Variants in MYO16 observed in about 807,000 individuals in gnomAD.
MYO16 encodes the protein unconventional myosin-XVI.
MYO16 carries 94 observed loss-of-function variants against 205.3 expected under a neutral mutation model. The ratio of observed to expected loss-of-function variants is 0.46; its 90% confidence interval spans 0.39 to 0.54. MYO16 has a LOEUF of 0.54. MYO16 is among the 20% of genes least tolerant of loss of function. MYO16 has a pLI of 0.00. For synonymous variants in MYO16, 988 were observed against 954.0 expected (o/e 1.04, Z -0.66); for missense variants, 2,315 against 2,387.5 (o/e 0.97, Z 0.63).
intron 21 of MYO16, among the ~76,000 whole-genome samples, chr13:108,998,261 G>C (rs1885099704): frequency 6.6e-6 from 1 of 152,170 alleles, no homozygotes; most frequent in Admixed American, 6.5e-5. Context: ...TGCTTTGTAA[G>C]TGCATGGTAG....
chr13:109,128,579 C>A (rs1178783358), intron 31 of MYO16, among the ~76,000 whole-genome samples: 1 of 151,758 alleles, frequency 6.6e-6, no homozygotes, highest in African/African-American at 2.4e-5. Flanking sequence ...GTAAGTCCAT[C>A]CTAGCCAACT....
intron 23 of MYO16, among the ~76,000 whole-genome samples, 198 bp from the exon 24 acceptor site, chr13:109,046,718 G>C (rs898928834): frequency 4.6e-5 from 7 of 152,122 alleles, no homozygotes; most frequent in African/African-American, 1.4e-4. Context: ...AACAGAAGAG[G>C]GTTCCCTTGT....
chr13:108,968,209 T>G (rs1459996322), intron 20 of MYO16, among the ~76,000 whole-genome samples: 1 of 152,118 alleles, frequency 6.6e-6, no homozygotes, highest in Non-Finnish European at 1.5e-5. Context: ...CATCAGACAC[T>G]CATGTGCTCA....
intron 12 of MYO16, among the ~76,000 whole-genome samples, chr13:108,873,211 ATTACT>A (rs1879149933): frequency 6.6e-6 from 1 of 152,220 alleles, no homozygotes; most frequent in Admixed American, 6.5e-5. Context: ...TCCCATGTCA[ATTACT>A]TTACAAGAAA....
At chr13:108,562,758 T>G in the MYO16 span, among the ~76,000 whole-genome samples, 4 of 152,298 alleles carry the variant, frequency 2.6e-5, no homozygotes, top group East Asian at 7.7e-4. Flanking sequence ...CCTAAAGTAT[T>G]TAGTATAGTG....
the MYO16 span, among the ~76,000 whole-genome samples, chr13:108,581,250 A>T: frequency 6.6e-6 from 1 of 152,200 alleles, no homozygotes; most frequent in Non-Finnish European, 1.5e-5. Flanking sequence ...ATGTTACCTA[A>T]TACAGAATTT....
chr13:108,740,963 G>A (rs1022505952), intron 4 of MYO16, among the ~76,000 whole-genome samples: 18 of 152,148 alleles, frequency 1.2e-4, no homozygotes, highest in African/African-American at 3.9e-4. Context: ...CTGGTGTGCC[G>A]TTTGCTAAGA....
chr13:108,649,523 G>T (rs2139397724), intron 1 of MYO16, among the ~76,000 whole-genome samples: 2 of 152,328 alleles, frequency 1.3e-5, no homozygotes, highest in Middle Eastern at 6.8e-3. Context: ...GTATAATGGA[G>T]TAGCAGGAAA....
chr13:108,713,358 A>G (rs1341372466), intron 3 of MYO16, among the ~76,000 whole-genome samples: 2 of 152,226 alleles, frequency 1.3e-5, no homozygotes, highest in Non-Finnish European at 2.9e-5. Flanking sequence ...GTAAGATATC[A>G]ATCTAATTTA....
intron 23 of MYO16, among the ~76,000 whole-genome samples, chr13:109,024,727 T>A (rs986166117): frequency 2.6e-5 from 4 of 152,152 alleles, no homozygotes; most frequent in Admixed American, 6.5e-5. Flanking sequence ...GTTTTGTGGT[T>A]TTATAAAAAT....
In MYO16 at chr13:108,939,814, A is replaced by G. The variant is rs75064929; in HGVS notation, c.1926-17874A>G. Among the ~76,000 whole-genome samples the G allele has an allele frequency of 6.7e-3, 1,014 of 152,256 alleles. 9 individuals carry two copies. The highest frequency in any genetic ancestry group is 0.022 in the African/African-American group (918 of 41,548). On this transcript the variant is annotated intron_variant, in intron 16 of 34. Coordinates refer to ENST00000457511, the MANE Select transcript of MYO16 (RefSeq NM_001198950.3). ...TATAAGACACTGTGTGGTACTACCT[A>G]TAGTGTTGTCATACTATCATACGTG... is the stretch of plus-strand genomic sequence containing the variant.
At chr13:108,662,979 C>T (rs1397068903) in intron 1 of MYO16, among the ~76,000 whole-genome samples, 1 of 152,160 alleles carries the variant, frequency 6.6e-6, no homozygotes, top group Non-Finnish European at 1.5e-5. Flanking sequence ...CTTGACTCAG[C>T]CCCAGGTAAA....
intron 11 of MYO16, among the ~76,000 whole-genome samples, chr13:108,862,423 A>G (rs948488000): frequency 1.3e-5 from 2 of 152,138 alleles, no homozygotes; most frequent in Admixed American, 6.6e-5. Context: ...CAAGGCTACC[A>G]TATTACCCAT....
intron 10 of MYO16, among the ~76,000 whole-genome samples, chr13:108,853,012 G>T (rs1448636485): frequency 6.6e-6 from 1 of 152,182 alleles, no homozygotes. Flanking sequence ...TTGAAGTAGG[G>T]AAGCTCAAAT....
chr13:108,828,369 T>C (rs750909297), intron 9 of MYO16, among the ~76,000 whole-genome samples: 45 of 152,190 alleles, frequency 3.0e-4, no homozygotes, highest in Non-Finnish European at 5.7e-4. Context: ...AGAGCCACTA[T>C]CCAGTTTCAG....
the MYO16 span, among the ~76,000 whole-genome samples, chr13:108,581,668 C>T: frequency 6.6e-6 from 1 of 151,672 alleles, no homozygotes; most frequent in Non-Finnish European, 1.5e-5. Context: ...GGTGGATCAC[C>T]TGAGGTCAAA....
intron 4 of MYO16, among the ~76,000 whole-genome samples, chr13:108,729,630 T>C (rs1475529641): frequency 6.6e-6 from 1 of 152,218 alleles, no homozygotes; most frequent in Admixed American, 6.5e-5. Flanking sequence ...AAAATGGCCA[T>C]ACTTATTCTC....
chr13:109,125,255 T>G lies in MYO16; in HGVS notation c.3679T>G (p.Ser1227Ala). Residue 1227 changes from serine to alanine, a missense_variant, in exon 30 of 35, where the codon TCA (serine) becomes GCA (alanine). Physicochemically the swap from Ser to Ala is moderately conservative, Grantham distance 99 (BLOSUM62 1). Around this residue, in one of 3 missense-constraint regions of MYO16, gnomAD observed 1,097 missense variants for 1,092.0 expected, o/e 1.00. Coordinates refer to ENST00000457511, the MANE Select transcript of MYO16 (RefSeq NM_001198950.3). This position sits in a 1 kb window ranked among gnomAD's most constrained non-coding sequence, Gnocchi z 4.0. ...TYDALVIQNA[S>A]DIARENDRLR... ...CGATGCCCTGGTCATTCAGAATGCTTCAGACATTGCCCGGGAAAATGACCG... is the reference window on the plus strand; with the variant it reads ...CGATGCCCTGGTCATTCAGAATGCTGCAGACATTGCCCGGGAAAATGACCG... 1 of 1,614,088 alleles carries G rather than the reference T, an allele frequency of 6.2e-7. No homozygotes were observed. The highest frequency in any genetic ancestry group is 8.5e-7 in the Non-Finnish European group (1 of 1,180,026).
the MYO16 span, among the ~76,000 whole-genome samples, chr13:108,540,972 G>C: frequency 2.7e-3 from 405 of 152,262 alleles, 3 homozygotes; most frequent in African/African-American, 9.0e-3. Context: ...CACATGCGAA[G>C]TGTTGATTTA....
Sources: allele counts gnomAD v4.1 joint callset (sites outside exome capture counted in the v4.1 genomes callset), GRCh38; gene constraint gnomAD v4.1.1; regional missense constraint gnomAD v4.1.1; non-coding constraint Gnocchi (gnomAD v3.1); transcripts MANE v1.5; gene names NCBI Gene and HGNC (gene_info 2026-07-23, HGNC 2026-07-21).